TMCC3: variants seen among roughly 807,000 people sequenced by gnomAD.
The protein encoded by TMCC3 is transmembrane and coiled-coil domain protein 3.
In TMCC3, 28 loss-of-function variants were observed where a neutral mutation model predicts 40.2. The ratio of observed to expected loss-of-function variants is 0.70; its 90% CI spans 0.52 to 0.95. The LOEUF is 0.95. TMCC3 is among the 40% of genes least tolerant of loss of function. The pLI is 0.00. For synonymous variants in TMCC3, 255 were observed against 248.5 expected (o/e 1.03, Z -0.25); for missense variants, 554 against 615.2 (o/e 0.90, Z 1.05).
chr12:94,634,942 C>T lies in TMCC3; in HGVS notation c.78+15411G>A, dbSNP rs559160547. On this transcript the variant is annotated intron_variant, in intron 1 of 3. Coordinates refer to ENST00000261226, the MANE Select transcript of TMCC3 (RefSeq NM_020698.4). ...ACATGTAAATAGCATATTCATTCCA[C>T]TCTTAATATGCTCTTGAATCAGGTT... 3.9e-4 allele frequency among the ~76,000 whole-genome samples: 59 copies of T among 152,360 alleles called. No homozygotes were observed. In the South Asian group the frequency reaches 0.012, roughly 32 times the overall value.
At chr12:94,602,506 C>T (rs766081366) in intron 1 of TMCC3, among the ~76,000 whole-genome samples, 4 of 152,280 alleles carry the variant, frequency 2.6e-5, no homozygotes, top group East Asian at 1.9e-4. Context: ...GTTCCATGAA[C>T]GGTCAGTAAC....
At chr12:94,590,635 G>C (rs2068668184) in intron 1 of TMCC3, among the ~76,000 whole-genome samples, 1 of 152,164 alleles carries the variant, frequency 6.6e-6, no homozygotes. Context: ...CTCTGTGCTG[G>C]CTGATACAGC....
intron 1 of TMCC3, among the ~76,000 whole-genome samples, chr12:94,624,697 G>A (rs908453874): frequency 4.7e-5 from 7 of 149,070 alleles, no homozygotes; most frequent in African/African-American, 1.7e-4. Context: ...TTGGGCTACA[G>A]TGAGATTCTG....
intron 1 of TMCC3, among the ~76,000 whole-genome samples, chr12:94,633,014 G>C (rs1239123827): frequency 6.6e-6 from 1 of 152,160 alleles, no homozygotes; most frequent in Non-Finnish European, 1.5e-5. Flanking sequence ...GCTGAGGCAG[G>C]AGAATCACTT....
intron 1 of TMCC3, among the ~76,000 whole-genome samples, chr12:94,625,567 C>A (rs1231231260): frequency 2.1e-5 from 3 of 139,726 alleles, no homozygotes; most frequent in Non-Finnish European, 4.5e-5. Flanking sequence ...GCACTCCAGT[C>A]TGGGCAACAG....
At chr12:94,649,951 G>C (rs2069044920) in intron 1 of TMCC3, among the ~76,000 whole-genome samples, 1 of 152,208 alleles carries the variant, frequency 6.6e-6, no homozygotes, top group African/African-American at 2.4e-5. Context: ...GACGTTCGGC[G>C]GGGAGGGCAC....
rs59309662 is a variant in TMCC3 at position 94,633,385 on chromosome 12, T to C, written c.78+16968A>G. ...AAGTGACAGAAATTTGATGTAAACA[T>C]GGCAAAATGTCAACATTCATTAAAT... On this transcript the variant is annotated intron_variant, in intron 1 of 3. Transcript: ENST00000261226. Among the ~76,000 whole-genome samples the C allele has an allele frequency of 2.1e-4, 32 of 152,322 alleles. No individual in the cohort carries two copies. In the East Asian group the frequency reaches 5.4e-3, roughly 26 times the overall value.
chr12:94,582,685 C>T (rs1015190902), intron 1 of TMCC3, 147 bp from the exon 2 acceptor site: 1 of 711,078 alleles, frequency 1.4e-6, no homozygotes, highest in Non-Finnish European at 2.3e-6. Context: ...CTGCTGTCCC[C>T]TCCAGTTGAA....
At chr12:94,631,188 G>C (rs777501402) in intron 1 of TMCC3, among the ~76,000 whole-genome samples, 10 of 152,138 alleles carry the variant, frequency 6.6e-5, no homozygotes, top group Non-Finnish European at 1.5e-4. Context: ...TGCCACAACT[G>C]AGAATCATTC....
chr12:94,581,469 C>T (rs79928308), intron 2 of TMCC3, among the ~76,000 whole-genome samples, 153 bp downstream of exon 2: 2,006 of 152,142 alleles, frequency 0.013, 17 homozygotes, highest in Non-Finnish European at 0.022. Context: ...TCTGCAGTAA[C>T]TCATCCTTTT....
chr12:94,611,671 T>C lies in TMCC3; in HGVS notation c.79-29133A>G, dbSNP rs539445367. Among the ~76,000 whole-genome samples, 56 of 152,190 alleles carry C rather than the reference T, an allele frequency of 3.7e-4. 1 individual carries two copies. The highest frequency in any genetic ancestry group is 1.3e-3 in the African/African-American group (53 of 41,528). On this transcript the variant is annotated intron_variant, in intron 1 of 3. Coordinates refer to ENST00000261226, the MANE Select transcript of TMCC3 (RefSeq NM_020698.4). ...GTGTAGTATTTGCATATAATCTACATACATCCTCCTGTATACTTTAAATCA... is the reference window on the plus strand; with the variant it reads ...GTGTAGTATTTGCATATAATCTACACACATCCTCCTGTATACTTTAAATCA...
At chr12:94,617,096 C>T (rs768164448) in intron 1 of TMCC3, among the ~76,000 whole-genome samples, 13 of 152,042 alleles carry the variant, frequency 8.6e-5, no homozygotes, top group Admixed American at 2.0e-4. Flanking sequence ...GGTGAAGGGA[C>T]GAGTCAAGGA....
intron 1 of TMCC3, among the ~76,000 whole-genome samples, chr12:94,642,057 CA>C (rs2068993962): frequency 6.6e-6 from 1 of 152,074 alleles, no homozygotes; most frequent in African/African-American, 2.4e-5. Flanking sequence ...TCGTGTCATT[CA>C]AATTCACTTT....
At chr12:94,629,315 C>T (rs1345238498) in intron 1 of TMCC3, among the ~76,000 whole-genome samples, 2 of 152,194 alleles carry the variant, frequency 1.3e-5, no homozygotes, top group African/African-American at 4.8e-5. Flanking sequence ...AACACCCAGT[C>T]CTCCAGTCTA....
intron 1 of TMCC3, among the ~76,000 whole-genome samples, chr12:94,624,583 G>A (rs755870702): frequency 7.9e-5 from 12 of 152,056 alleles, no homozygotes; most frequent in Middle Eastern, 3.4e-3. Flanking sequence ...GCGTGGTGGC[G>A]TACGCCTGTA....
At chr12:94,640,868 G>T (rs1168283328) in intron 1 of TMCC3, among the ~76,000 whole-genome samples, 1 of 152,142 alleles carries the variant, frequency 6.6e-6, no homozygotes, top group Non-Finnish European at 1.5e-5. Context: ...GGGATGTTGG[G>T]GGCAACGAGG....
chr12:94,590,954 C>T (rs1340927099), intron 1 of TMCC3: 1 of 576,486 alleles, frequency 1.7e-6, no homozygotes, highest in African/African-American at 1.9e-5. Flanking sequence ...AGATCACATG[C>T]TTATGATCAA....
intron 2 of TMCC3, among the ~76,000 whole-genome samples, chr12:94,579,234 C>T (rs993312930): frequency 3.9e-5 from 6 of 152,216 alleles, no homozygotes; most frequent in Non-Finnish European, 7.3e-5. Context: ...TAGCTGGGTG[C>T]AGTGGCTCAC....
intron 1 of TMCC3, among the ~76,000 whole-genome samples, chr12:94,643,988 G>C (rs918652598): frequency 6.6e-6 from 1 of 152,252 alleles, no homozygotes; most frequent in Non-Finnish European, 1.5e-5. Context: ...AGGAGATCAT[G>C]TATTTGAAGT....
Sources: gnomAD v4.1 joint callset for allele counts (sites outside exome capture counted in the v4.1 genomes callset) on GRCh38, gnomAD v4.1.1 for gene constraint, MANE v1.5 for transcripts, NCBI Gene and HGNC (gene_info 2026-07-23, HGNC 2026-07-21) for gene names.